The following IL1RAPL2 variants were observed in gnomAD, a reference collection of about 807,000 sequenced individuals.
IL1RAPL2 encodes the protein X-linked interleukin-1 receptor accessory protein-like 2.
A neutral mutation model predicts 44.1 loss-of-function variants in IL1RAPL2; 3 were observed. That is an observed-to-expected ratio of 0.07 (90% CI 0.03 to 0.18). The LOEUF (loss-of-function observed/expected upper bound fraction) is 0.18. Among genes scored for constraint, IL1RAPL2 ranks in the 10% least tolerant of loss-of-function variants. The probability of loss-of-function intolerance (pLI) is 1.00; values close to 1 mark genes in which losing one functional copy is unlikely to be tolerated. For synonymous variants in IL1RAPL2, 181 were observed against 178.8 expected, an observed-to-expected ratio of 1.01 and a Z score of -0.10; for missense variants, 391 against 496.4, an observed-to-expected ratio of 0.79 and a Z score of 2.02.
At chrX:105,035,854 C>T (rs1362427863) in intron 2 of IL1RAPL2, among the ~76,000 whole-genome samples, 2 of 112,635 alleles carry the variant, frequency 1.8e-5, no homozygotes, top group Non-Finnish European at 3.7e-5. Context: ...CTGCTTGCAT[C>T]TTATTCTCCA....
At chrX:105,318,195 G>A (rs1298362571) in intron 5 of IL1RAPL2, among the ~76,000 whole-genome samples, 1 of 110,723 alleles carries the variant, frequency 9.0e-6, no homozygotes, top group Non-Finnish European at 1.9e-5. Context: ...GGATGGTCTG[G>A]ATCTGCTGAC....
chrX:104,595,655 A>C (rs769588569), intron 1 of IL1RAPL2, among the ~76,000 whole-genome samples: 1 of 112,120 alleles, frequency 8.9e-6, no homozygotes, highest in African/African-American at 3.2e-5. Context: ...AAGATCTCTT[A>C]CAATTCAGGA....
At chrX:105,448,340 T>C (rs190892447) in intron 5 of IL1RAPL2, among the ~76,000 whole-genome samples, 1 of 109,127 alleles carries the variant, frequency 9.2e-6, no homozygotes, top group Admixed American at 9.9e-5. Context: ...CCATATCTCT[T>C]TGTCTACCTC....
intron 6 of IL1RAPL2, among the ~76,000 whole-genome samples, chrX:105,592,826 A>T (rs1233870772): frequency 9.0e-6 from 1 of 111,487 alleles, no homozygotes; most frequent in Non-Finnish European, 1.9e-5. Context: ...TTCCCTTTGT[A>T]AGTGAATTGC....
At chrX:105,045,946 C>A (rs1038366541) in intron 2 of IL1RAPL2, among the ~76,000 whole-genome samples, 31 of 110,861 alleles carry the variant, frequency 2.8e-4, no homozygotes, top group East Asian at 1.1e-3. Context: ...GCTAAATAAC[C>A]TTTGGTCTTT....
At chrX:104,917,780 A>C (rs1259918431) in intron 2 of IL1RAPL2, among the ~76,000 whole-genome samples, 3 of 111,836 alleles carry the variant, frequency 2.7e-5, no homozygotes, top group Non-Finnish European at 5.6e-5. Context: ...TTGAGTGGAA[A>C]ACTGGCTTAA....
chrX:104,676,736 C>T (rs1480009990), intron 2 of IL1RAPL2, among the ~76,000 whole-genome samples: 5 of 112,059 alleles, frequency 4.5e-5, no homozygotes, highest in African/African-American at 1.6e-4. Context: ...TTCAGATACA[C>T]CAATCAGACG....
intron 6 of IL1RAPL2, among the ~76,000 whole-genome samples, chrX:105,600,210 C>T (rs931492645): frequency 1.8e-5 from 2 of 110,557 alleles, no homozygotes; most frequent in Non-Finnish European, 3.8e-5. Context: ...TTAGTCCCCC[C>T]GTTGATATTT....
chrX:104,685,340 A>G (rs1170802835), intron 2 of IL1RAPL2, among the ~76,000 whole-genome samples: 1 of 111,722 alleles, frequency 9.0e-6, no homozygotes, highest in East Asian at 2.8e-4. Context: ...TTGCTGTAAG[A>G]TATGCTTTTA....
intron 2 of IL1RAPL2, among the ~76,000 whole-genome samples, chrX:104,794,661 G>A (rs187109851): frequency 4.5e-5 from 5 of 112,134 alleles, no homozygotes; most frequent in East Asian, 5.7e-4. Context: ...GTTTTGATAC[G>A]TGTGGAGGGA....
At chrX:105,734,173 C>G (rs1458447323) in intron 7 of IL1RAPL2, among the ~76,000 whole-genome samples, 5 of 109,897 alleles carry the variant, frequency 4.5e-5, no homozygotes, top group Non-Finnish European at 9.5e-5. Flanking sequence ...TATACAGGAG[C>G]CTGATTGATG....
Position 104,659,007 on chromosome X carries a change from G to A in IL1RAPL2, c.82+12G>A, listed in dbSNP as rs1930334416. On this transcript the variant is annotated intron_variant, in intron 2 of 10. Transcript: ENST00000372582. ...AAAGAGAAATTCTGGTAAGTTGCTG[G>A]CAACTTGCCACTATTTGGTCAAAAA... 1 of 1,161,915 alleles carries A rather than the reference G, an allele frequency of 8.6e-7. No homozygotes were observed. The highest frequency in any genetic ancestry group is 1.2e-6 in the Non-Finnish European group (1 of 852,856).
At chrX:104,904,708 G>A (rs1364882720) in intron 2 of IL1RAPL2, among the ~76,000 whole-genome samples, 6 of 109,638 alleles carry the variant, frequency 5.5e-5, no homozygotes, top group Non-Finnish European at 1.1e-4. Context: ...ATCATTGTTG[G>A]ACATTTGGGT....
At chrX:104,735,950 C>T (rs1231125716) in intron 2 of IL1RAPL2, among the ~76,000 whole-genome samples, 3 of 111,336 alleles carry the variant, frequency 2.7e-5, no homozygotes, top group Non-Finnish European at 3.8e-5. Context: ...TTATGGCCCA[C>T]CCTATCTATC....
intron 5 of IL1RAPL2, among the ~76,000 whole-genome samples, chrX:105,452,798 G>A (rs2036028628): frequency 8.9e-6 from 1 of 111,922 alleles, no homozygotes; most frequent in African/African-American, 3.2e-5. Flanking sequence ...TGTGTAGCTT[G>A]CATGTACCAG....
intron 2 of IL1RAPL2, among the ~76,000 whole-genome samples, chrX:104,680,451 C>T (rs1156358230): frequency 9.0e-6 from 1 of 111,306 alleles, no homozygotes; most frequent in Non-Finnish European, 1.9e-5. Flanking sequence ...TATAAGCATA[C>T]AATTTGTGCA....
At chrX:104,902,246 G>A (rs1218725015) in intron 2 of IL1RAPL2, among the ~76,000 whole-genome samples, 3 of 111,827 alleles carry the variant, frequency 2.7e-5, no homozygotes, top group Non-Finnish European at 5.6e-5. Context: ...TCTGATCTTT[G>A]ACATAACAGA....
intron 2 of IL1RAPL2, among the ~76,000 whole-genome samples, chrX:104,952,876 A>G (rs1925622934): frequency 8.9e-6 from 1 of 112,337 alleles, no homozygotes; most frequent in African/African-American, 3.2e-5. Context: ...GGTGTCTCCC[A>G]AGGCTTAGCA....
chrX:105,070,953 G>A (rs2032199740), intron 2 of IL1RAPL2, among the ~76,000 whole-genome samples: 1 of 111,260 alleles, frequency 9.0e-6, no homozygotes, highest in Non-Finnish European at 1.9e-5. Context: ...TTCTAAATCT[G>A]TGCTATGCAA....
Sources: allele counts gnomAD v4.1 joint callset (sites outside exome capture counted in the v4.1 genomes callset), GRCh38; gene constraint gnomAD v4.1.1; transcripts MANE v1.5; gene names NCBI Gene and HGNC (gene_info 2026-07-23, HGNC 2026-07-21).